The following ATRNL1 variants were observed in gnomAD, a reference collection of about 807,000 sequenced individuals.
The protein encoded by ATRNL1 is attractin-like protein 1.
ATRNL1 carries 95 observed loss-of-function variants against 182.7 expected under a neutral mutation model. The observed-to-expected ratio is 0.52, with a 90% confidence interval of 0.44 to 0.62. The LOEUF (loss-of-function observed/expected upper bound fraction) is 0.62. Ranked by LOEUF, ATRNL1 falls within the 20% of genes least tolerant of loss-of-function variation. ATRNL1 has a pLI of 0.00. For missense variants in ATRNL1, 1,471 were observed against 1,679.5 expected, an observed-to-expected ratio of 0.88 and a Z score of 2.17; for synonymous variants, 576 against 568.3, an observed-to-expected ratio of 1.01 and a Z score of -0.19.
chr10:115,374,992 A>G (rs956715549), intron 19 of ATRNL1, among the ~76,000 whole-genome samples: 2 of 151,694 alleles, frequency 1.3e-5, no homozygotes, highest in African/African-American at 4.8e-5. Context: ...GTTCATTGAT[A>G]TAAAGTGTAG....
At chr10:115,449,781 G>A (rs973325024) in intron 21 of ATRNL1, among the ~76,000 whole-genome samples, 3 of 152,112 alleles carry the variant, frequency 2.0e-5, no homozygotes, top group Non-Finnish European at 4.4e-5. Flanking sequence ...AAGGGTCAGG[G>A]AAAATGTTCT....
chr10:115,847,754 C>T (rs552151191), intron 27 of ATRNL1, 123 bp from the exon 28 acceptor site: 3 of 637,360 alleles, frequency 4.7e-6, no homozygotes, highest in East Asian at 5.5e-5. Context: ...GTTAAAATAA[C>T]ACATGGTGTG....
chr10:115,407,067 C>A (rs965482391), intron 20 of ATRNL1, among the ~76,000 whole-genome samples: 12 of 151,964 alleles, frequency 7.9e-5, no homozygotes, highest in African/African-American at 2.9e-4. Flanking sequence ...CTGTTTTGTT[C>A]TTTTCCTTTA....
intron 1 of ATRNL1, among the ~76,000 whole-genome samples, chr10:115,104,393 GA>G (rs1266596205): frequency 6.6e-6 from 1 of 152,052 alleles, no homozygotes; most frequent in South Asian, 2.1e-4. Flanking sequence ...TGGATTATTA[GA>G]TTTTTTTTCT....
intron 27 of ATRNL1, among the ~76,000 whole-genome samples, chr10:115,844,203 T>G (rs1341750293): frequency 2.6e-5 from 4 of 152,098 alleles, no homozygotes; most frequent in Non-Finnish European, 4.4e-5. Context: ...CCCACTTAAA[T>G]TGTAGTGACT....
chr10:115,244,176 A>T (rs1272664870), intron 10 of ATRNL1, among the ~76,000 whole-genome samples: 1 of 152,138 alleles, frequency 6.6e-6, no homozygotes, highest in African/African-American at 2.4e-5. Flanking sequence ...CATTTATGGA[A>T]GGCACTTAAA....
At chr10:115,486,128 C>A (rs1849011570) in intron 24 of ATRNL1, among the ~76,000 whole-genome samples, 1 of 152,118 alleles carries the variant, frequency 6.6e-6, no homozygotes, top group Admixed American at 6.6e-5. Flanking sequence ...GCCACATTTT[C>A]TTTGTCCAGT....
At chr10:115,134,544 T>C (rs1845413080) in intron 5 of ATRNL1, among the ~76,000 whole-genome samples, 1 of 152,130 alleles carries the variant, frequency 6.6e-6, no homozygotes, top group African/African-American at 2.4e-5. Flanking sequence ...CAATAATTAA[T>C]AGCTTACCAA....
intron 28 of ATRNL1, among the ~76,000 whole-genome samples, chr10:115,878,434 T>A (rs969876290): frequency 5.3e-5 from 8 of 152,332 alleles, no homozygotes; most frequent in Middle Eastern, 3.4e-3. Flanking sequence ...TCAATATGCT[T>A]ACCTGTCTAC....
intron 27 of ATRNL1, among the ~76,000 whole-genome samples, chr10:115,770,064 G>A (rs1948949840): frequency 6.6e-6 from 1 of 151,618 alleles, no homozygotes; most frequent in Non-Finnish European, 1.5e-5. Flanking sequence ...CTTTCTTAAA[G>A]AAGACCTCCG....
chr10:115,522,092 C>G (rs547147844), intron 25 of ATRNL1, among the ~76,000 whole-genome samples: 21 of 152,278 alleles, frequency 1.4e-4, no homozygotes, highest in African/African-American at 4.3e-4. Context: ...TGGGCCAGTA[C>G]TAGGGAGATC....
At chr10:115,847,822 TA>T (rs1357191670) in intron 27 of ATRNL1, 54 bp from the exon 28 acceptor site, 2 of 919,258 alleles carry the variant, frequency 2.2e-6, no homozygotes, top group African/African-American at 3.2e-5. Flanking sequence ...AGGTGAAAAT[TA>T]AAATAGCAAT....
intron 25 of ATRNL1, among the ~76,000 whole-genome samples, chr10:115,544,726 A>G (rs1331079478): frequency 6.6e-6 from 1 of 152,166 alleles, no homozygotes; most frequent in Non-Finnish European, 1.5e-5. Context: ...ACTATATCAG[A>G]AGGGATAGCA....
chr10:115,683,163 A>G (rs995280664), intron 26 of ATRNL1, among the ~76,000 whole-genome samples: 33 of 152,226 alleles, frequency 2.2e-4, no homozygotes, highest in Non-Finnish European at 4.1e-4. Context: ...GTATTAAATT[A>G]TGTTTTAAAT....
intron 1 of ATRNL1, among the ~76,000 whole-genome samples, chr10:115,102,402 TATGTATGTACTTTATTA>T (rs1170925340): frequency 3.9e-5 from 6 of 152,144 alleles, no homozygotes; most frequent in African/African-American, 1.2e-4. Context: ...TTTATTAATG[TATGTATGTACTTTATTA>T]ATGTATGTAT....
Position 115,099,831 on chromosome 10 carries a change from G to A in ATRNL1, c.293+5788G>A, listed in dbSNP as rs571406541. Among the ~76,000 whole-genome samples the A allele has an allele frequency of 2.0e-5, 3 of 152,104 alleles. No individual in the cohort carries two copies. The East Asian group carries it at 5.8e-4, about 29-fold the overall frequency. Reference sequence around the variant, plus strand: ...ATTTTCTGGATTACTAGCTTCTTATGAGGTATATCATTTGCATATATTTTC... The same window carrying A: ...ATTTTCTGGATTACTAGCTTCTTATAAGGTATATCATTTGCATATATTTTC... On this transcript the variant is annotated intron_variant, in intron 1 of 28. Transcript: ENST00000355044.
chr10:115,115,476 T>C (rs1401082141), intron 1 of ATRNL1, among the ~76,000 whole-genome samples: 1 of 152,112 alleles, frequency 6.6e-6, no homozygotes, highest in Admixed American at 6.6e-5. Context: ...CAGTCTGCAA[T>C]GTATACATGT....
chr10:115,890,738 C>G (rs1555111005), intron 28 of ATRNL1, among the ~76,000 whole-genome samples: 1 of 152,170 alleles, frequency 6.6e-6, no homozygotes, highest in Non-Finnish European at 1.5e-5. Flanking sequence ...GTAATGATGC[C>G]TACTCATATG....
At chr10:115,788,342 A>T (rs1479535089) in intron 27 of ATRNL1, among the ~76,000 whole-genome samples, 2 of 152,142 alleles carry the variant, frequency 1.3e-5, no homozygotes, top group African/African-American at 4.8e-5. Flanking sequence ...ATCTTTTCCT[A>T]CCTAAATAGT....
Sources: allele counts gnomAD v4.1 joint callset (sites outside exome capture counted in the v4.1 genomes callset), GRCh38; gene constraint gnomAD v4.1.1; transcripts MANE v1.5; gene names NCBI Gene and HGNC (gene_info 2026-07-23, HGNC 2026-07-21).